GSE1: variants seen among roughly 807,000 people sequenced by gnomAD.
GSE1 encodes the protein Gse1 coiled-coil protein, also known as genetic suppressor element 1.
In GSE1, 32 loss-of-function variants were observed where a neutral mutation model predicts 112.6. The observed-to-expected ratio is 0.28, with a 90% confidence interval of 0.21 to 0.38. The LOEUF (loss-of-function observed/expected upper bound fraction) is 0.38, where lower values mean the gene tolerates loss of function less well. Ranked by LOEUF, GSE1 falls within the 10% of genes least tolerant of loss-of-function variation. The pLI is 1.00. For missense variants in GSE1, 2,348 were observed against 1,699.2 expected, an observed-to-expected ratio of 1.38 and a Z score of -6.71; for synonymous variants, 1,115 against 735.6, an observed-to-expected ratio of 1.52 and a Z score of -8.35.
At chr16:85,487,375 G>A (rs73265132) in intron 2 of GSE1, among the ~76,000 whole-genome samples, 4,576 of 152,288 alleles carry the variant, frequency 0.03, 228 homozygotes, top group African/African-American at 0.1. Flanking sequence ...TCTGGGGTCT[G>A]TAGAGTGTTC....
intron 1 of GSE1, among the ~76,000 whole-genome samples, chr16:85,615,002 C>T (rs1429703930): frequency 2.0e-5 from 3 of 152,332 alleles, no homozygotes; most frequent in Non-Finnish European, 2.9e-5. Flanking sequence ...CCCTGGTCGG[C>T]CGTCTCGTCC....
intron 1 of GSE1, among the ~76,000 whole-genome samples, chr16:85,246,015 G>T (rs1479933496): frequency 6.6e-6 from 1 of 151,522 alleles, no homozygotes; most frequent in Non-Finnish European, 1.5e-5. Context: ...GTGTGTGCGT[G>T]TGTGTGTGTT....
intron 2 of GSE1, among the ~76,000 whole-genome samples, chr16:85,443,348 C>G (rs1242359022): frequency 6.6e-6 from 1 of 152,170 alleles, no homozygotes; most frequent in African/African-American, 2.4e-5. Flanking sequence ...AGCGCATGGC[C>G]CAGAGCCTGG....
At chr16:85,191,898 C>T (rs2074831109) in intron 1 of GSE1, among the ~76,000 whole-genome samples, 1 of 152,058 alleles carries the variant, frequency 6.6e-6, no homozygotes, top group African/African-American at 2.4e-5. Context: ...AGGACTTAGG[C>T]CATTAGCAGG....
intron 2 of GSE1, among the ~76,000 whole-genome samples, chr16:85,501,087 G>A (rs1158223537): frequency 3.2e-5 from 4 of 125,256 alleles, no homozygotes; most frequent in Admixed American, 1.1e-4. Flanking sequence ...TGCAAGCTCC[G>A]CCTCCCGGGT....
chr16:85,226,535 G>T (rs2075488670), intron 1 of GSE1, among the ~76,000 whole-genome samples: 1 of 152,236 alleles, frequency 6.6e-6, no homozygotes, highest in Admixed American at 6.5e-5. Context: ...TCCTGGCTCA[G>T]CTGCCTACAG....
chr16:85,633,390 A>C (rs1045152960), intron 1 of GSE1, among the ~76,000 whole-genome samples: 1 of 151,420 alleles, frequency 6.6e-6, no homozygotes, highest in Non-Finnish European at 1.5e-5. Context: ...GTGGGGCAGA[A>C]CTCCCGCCAG....
upstream of GSE1, chr16:85,611,480 G>T: frequency 1.0e-6 from 1 of 985,216 alleles, no homozygotes; most frequent in Non-Finnish European, 1.2e-6. Context: ...CTGGCGGGTC[G>T]TGCGGGGAAG....
At chr16:85,295,469 G>A (rs573072406) in intron 1 of GSE1, among the ~76,000 whole-genome samples, 12 of 152,356 alleles carry the variant, frequency 7.9e-5, no homozygotes, top group Admixed American at 2.0e-4. Flanking sequence ...ATCCACCGCC[G>A]ATGGCCGTTT....
At chr16:85,443,182 G>A (rs913911369) in intron 2 of GSE1, among the ~76,000 whole-genome samples, 1 of 152,206 alleles carries the variant, frequency 6.6e-6, no homozygotes, top group African/African-American at 2.4e-5. Flanking sequence ...CGGCCAGCCC[G>A]GTGCAGCCCC....
At position 85,433,052 on chromosome 16, in the gene GSE1, C is replaced by A. The variant is rs1009069989; in HGVS notation, c.2464+75409C>A. On this transcript the variant is annotated intron_variant, in intron 2 of 2. Transcript: ENST00000637419. The stretch of plus-strand genomic sequence containing the variant: ...GGGATCAGGTGATGATAAGTCCCCC[C>A]CAGAGACTTCCCTGGGGCAACTTGG... Among the ~76,000 whole-genome samples, 17 of 151,942 alleles carry A rather than the reference C, an allele frequency of 1.1e-4. No individual in the cohort carries two copies. The East Asian group carries it at 2.5e-3, about 23-fold the overall frequency.
At chr16:85,324,381 A>G (rs2046181827) in intron 1 of GSE1, among the ~76,000 whole-genome samples, 2 of 152,068 alleles carry the variant, frequency 1.3e-5, no homozygotes, top group African/African-American at 4.8e-5. Context: ...GTGGTGGCGC[A>G]TGCCTGTAAT....
intron 1 of GSE1, among the ~76,000 whole-genome samples, chr16:85,174,587 C>G (rs765336559): frequency 6.6e-6 from 1 of 152,252 alleles, no homozygotes; most frequent in Non-Finnish European, 1.5e-5. Flanking sequence ...GAGCCAGGCG[C>G]GGTTCCAGAT....
intron 1 of GSE1, among the ~76,000 whole-genome samples, chr16:85,279,634 A>G (rs1396221655): frequency 1.3e-5 from 2 of 149,332 alleles, no homozygotes; most frequent in Non-Finnish European, 2.9e-5. Context: ...AATCAATCAA[A>G]CAGTGATGTA....
At position 85,286,142 on chromosome 16, in the gene GSE1, C is replaced by T. The variant is rs527937826; in HGVS notation, c.2284-71321C>T. Among the ~76,000 whole-genome samples the T allele has an allele frequency of 1.5e-4, 23 of 152,344 alleles. 1 individual carries two copies. The South Asian group carries it at 4.1e-3, about 27-fold the overall frequency. On this transcript the variant is annotated intron_variant, in intron 1 of 2. Transcript: ENST00000637419. ...TGTGCCTCTTGCCCAGCCAGGAGGT[C>T]AGCAGACTGGGCGGTGATGAACAAG...
intron 1 of GSE1, among the ~76,000 whole-genome samples, chr16:85,269,172 A>C (rs546515164): frequency 6.7e-6 from 1 of 149,428 alleles, no homozygotes; most frequent in South Asian, 2.1e-4. Context: ...ATGCCATCTA[A>C]TATGGAGAGA....
At chr16:85,666,425 C>A in intron 13 of GSE1, 78 bp downstream of exon 13, 1 of 1,374,296 alleles carries the variant, frequency 7.3e-7, no homozygotes, top group Non-Finnish European at 1.0e-6. Context: ...CACAGCTGCT[C>A]AGCCGTTCAG....
intron 2 of GSE1, among the ~76,000 whole-genome samples, chr16:85,434,392 G>T (rs1334068950): frequency 6.6e-6 from 1 of 152,074 alleles, no homozygotes; most frequent in East Asian, 1.9e-4. Context: ...CGCTTTACTT[G>T]TATGTGTAAC....
chr16:85,234,459 G>A (rs1904389466), intron 1 of GSE1, among the ~76,000 whole-genome samples: 1 of 152,222 alleles, frequency 6.6e-6, no homozygotes, highest in Admixed American at 6.5e-5. Context: ...GACGTTTCCT[G>A]CCATTGCTAT....
Sources: allele counts gnomAD v4.1 joint callset (sites outside exome capture counted in the v4.1 genomes callset), GRCh38; gene constraint gnomAD v4.1.1; transcripts MANE v1.5; gene names NCBI Gene and HGNC (gene_info 2026-07-23, HGNC 2026-07-21).